Variants in CRLS1 observed in about 807,000 individuals in gnomAD.
CRLS1 encodes the protein cardiolipin synthase 1.
In CRLS1, 24 loss-of-function variants were observed where a neutral mutation model predicts 37.0. The observed-to-expected ratio is 0.65, with a 90% CI of 0.47 to 0.91. CRLS1 has a LOEUF of 0.91. CRLS1 is among the 40% of genes least tolerant of loss of function. The pLI is 0.00. For synonymous variants in CRLS1, 135 were observed against 159.7 expected (o/e 0.85, Z 1.17); for missense variants, 373 against 395.8 (o/e 0.94, Z 0.49).
At position 6,032,066 on chromosome 20, in the gene CRLS1, A is replaced by G. The variant is rs761284365; in HGVS notation, c.715A>G (p.Thr239Ala). The G allele has an allele frequency of 6.2e-7, 1 of 1,612,114 alleles. No individual in the cohort carries two copies. Among genetic ancestry groups the G allele is most frequent in the Admixed American group, 1.7e-5 (1 of 59,966 alleles). Residue 239 changes from threonine (T) to alanine (A), a missense_variant, in exon 5 of 7, where the codon ACA becomes GCA. Transcript: ENST00000378863. ...CTATGCCACTGCTAGGTTAAAACCAACATTCATCAGCAAGGTAAGAGAATG... is the reference window on the plus strand; with the variant it reads ...CTATGCCACTGCTAGGTTAAAACCAGCATTCATCAGCAAGGTAAGAGAATG... The part of the protein sequence containing the change: ...PCYATARLKP[T>A]FISKVNTAVQ...
At chr20:6,029,138 AT>A (rs11087706) in intron 3 of CRLS1, among the ~76,000 whole-genome samples, 6,817 of 147,486 alleles carry the variant, frequency 0.046, 512 homozygotes, top group African/African-American at 0.16. Context: ...GGAACCCTTG[AT>A]TTTTTTTTTT....
chr20:6,019,068 T>C (rs371202938), intron 3 of CRLS1, among the ~76,000 whole-genome samples: 1 of 152,332 alleles, frequency 6.6e-6, no homozygotes, highest in Middle Eastern at 3.4e-3. Flanking sequence ...GGACTTTTTT[T>C]TTTCTTCCAT....
At chr20:6,020,875 G>A (rs1395510254) in intron 3 of CRLS1, among the ~76,000 whole-genome samples, 5 of 148,760 alleles carry the variant, frequency 3.4e-5, no homozygotes, top group African/African-American at 7.5e-5. Context: ...CTCATGATCC[G>A]CCCTCCTCTG....
Position 6,037,258 on chromosome 20 carries a change from G to T in CRLS1, c.*100G>T. 1.4e-6 allele frequency: 1 copy of T among 690,610 alleles called. No individual in the cohort carries two copies. Among genetic ancestry groups the T allele is most frequent in the South Asian group, 3.4e-5 (1 of 29,746 alleles). 42.8% of individuals were successfully genotyped at this position (690,610 alleles called of 1,614,324 possible). ...GTTTCCCTATTTTGGTGTTCAGCTT[G>T]AAAAAGGACTTGTCAGAATCAACTG... On this transcript the variant is annotated 3_prime_UTR_variant, in exon 7 of 7. Transcript: ENST00000378863.
chr20:6,029,015 T>G (rs528929276), intron 3 of CRLS1, among the ~76,000 whole-genome samples: 4 of 152,328 alleles, frequency 2.6e-5, no homozygotes, highest in South Asian at 4.1e-4. Context: ...TGAGACCACC[T>G]GGTACAGAAA....
chr20:6,033,310 T>A (rs1160224654), intron 5 of CRLS1, among the ~76,000 whole-genome samples: 1 of 148,310 alleles, frequency 6.7e-6, no homozygotes, highest in Non-Finnish European at 1.5e-5. Context: ...TTTTTTTGTA[T>A]TTTTTAGTAG....
At chr20:6,006,628 G>C in intron 1 of CRLS1, 76 bp downstream of exon 1, 1 of 1,227,176 alleles carries the variant, frequency 8.1e-7, no homozygotes, top group Non-Finnish European at 1.0e-6. Flanking sequence ...ACAAGCTCTG[G>C]GTGGTGCAGC....
intron 3 of CRLS1, among the ~76,000 whole-genome samples, chr20:6,021,247 A>G (rs1979264069): frequency 6.6e-6 from 1 of 151,558 alleles, no homozygotes; most frequent in Admixed American, 6.6e-5. Flanking sequence ...TTGTATTTTT[A>G]GTAGAGACGG....
At chr20:6,034,126 C>T (rs568166709) in intron 5 of CRLS1, among the ~76,000 whole-genome samples, 2 of 152,272 alleles carry the variant, frequency 1.3e-5, no homozygotes, top group South Asian at 2.1e-4. Context: ...TAGTTATTTT[C>T]GTATTCCATT....
chr20:6,017,358 G>A (rs918996002), intron 3 of CRLS1, among the ~76,000 whole-genome samples: 1 of 152,102 alleles, frequency 6.6e-6, no homozygotes, highest in Non-Finnish European at 1.5e-5. Context: ...AAGCTTTTAG[G>A]ATTTTAAGAA....
At chr20:6,015,324 G>T in intron 2 of CRLS1, 37 bp from the exon 3 acceptor site, 1 of 1,396,324 alleles carries the variant, frequency 7.2e-7, no homozygotes, top group South Asian at 1.3e-5. Flanking sequence ...TTCCTGTTAT[G>T]ACATTTATAT....
chr20:6,006,154 G>A lies in CRLS1; in HGVS notation c.-93G>A, dbSNP rs1319166357. ...GAGGCAGCGGTAGCCCAGTGTCTGA[G>A]TGGTTGCCGGGTCTCCATGGAGAAG... On this transcript the variant is annotated 5_prime_UTR_variant, in exon 1 of 7. In the 5' UTR this introduces an upstream ATG that the reference lacks. Transcript: ENST00000378863. 9.6e-6 allele frequency: 6 copies of A among 623,314 alleles called. No individual in the cohort carries two copies. The East Asian group carries it at 2.3e-4, about 24-fold the overall frequency. 38.6% of individuals were successfully genotyped at this position (623,314 alleles called of 1,614,324 possible).
intron 3 of CRLS1, among the ~76,000 whole-genome samples, chr20:6,027,469 G>A (rs113705040): frequency 0.084 from 12,770 of 151,998 alleles, 767 homozygotes; most frequent in Middle Eastern, 0.2. Flanking sequence ...ATGCAGTGGC[G>A]CAGTCTTGGC....
intron 6 of CRLS1, among the ~76,000 whole-genome samples, chr20:6,035,977 G>C (rs1980518060): frequency 6.6e-6 from 1 of 151,900 alleles, no homozygotes; most frequent in African/African-American, 2.4e-5. Context: ...GCCAATTTTT[G>C]TATTTTTAGT....
Position 6,024,335 on chromosome 20 carries a change from G to A in CRLS1, c.575-6950G>A, listed in dbSNP as rs192165119. 2.9e-4 allele frequency among the ~76,000 whole-genome samples: 44 copies of A among 152,268 alleles called. No homozygotes were observed. The East Asian group carries it at 4.4e-3, about 15-fold the overall frequency. On this transcript the variant is annotated intron_variant, in intron 3 of 6. Coordinates refer to ENST00000378863, the MANE Select transcript of CRLS1 (RefSeq NM_019095.6). ...TCTGTTATGGTGATCTGTGATCAGC[G>A]AACTCTGATGTTACTGTCTAATTGC...
intron 3 of CRLS1, among the ~76,000 whole-genome samples, chr20:6,016,500 G>C (rs185038968): frequency 2.0e-5 from 3 of 151,806 alleles, no homozygotes; most frequent in Non-Finnish European, 4.4e-5. Context: ...GGCTGGTCTC[G>C]AACTTCTGGG....
chr20:6,030,245 T>C (rs778257780), intron 3 of CRLS1, among the ~76,000 whole-genome samples: 8 of 152,182 alleles, frequency 5.3e-5, no homozygotes, highest in Non-Finnish European at 1.2e-4. Context: ...GCCATCTCAT[T>C]CCCATTCAGT....
At chr20:6,015,283 G>C (rs1978650026) in intron 2 of CRLS1, 78 bp from the exon 3 acceptor site, 1 of 842,718 alleles carries the variant, frequency 1.2e-6, no homozygotes, top group Admixed American at 2.9e-5. Flanking sequence ...TGTTATTCTG[G>C]TATATCTTAA....
At position 6,006,408 on chromosome 20, in the gene CRLS1, C is replaced by A. The variant is rs1163793417; in HGVS notation, c.162C>A (p.Ala54=). 1 of 1,409,698 alleles carries A rather than the reference C, an allele frequency of 7.1e-7. No individual in the cohort carries two copies. The highest frequency in any genetic ancestry group is 1.5e-5 in the African/African-American group (1 of 67,432). 87.3% of individuals were successfully genotyped at this position (1,409,698 alleles called of 1,614,324 possible). ...CCGAACGCTGGAGGCTGCGTCCGGCCGCTCTTGGCTTGCGGCTGCCCGGGA... is the reference window on the plus strand; with the variant it reads ...CCGAACGCTGGAGGCTGCGTCCGGCAGCTCTTGGCTTGCGGCTGCCCGGGA... ...CLAERWRLRP[A]ALGLRLPGIG... The change falls in exon 1 of 7, where the codon GCC becomes GCA. Residue 54 remains alanine (A), a synonymous_variant. Coordinates refer to ENST00000378863, the MANE Select transcript of CRLS1 (RefSeq NM_019095.6).
Sources: allele counts gnomAD v4.1 joint callset (sites outside exome capture counted in the v4.1 genomes callset), GRCh38; gene constraint gnomAD v4.1.1; transcripts MANE v1.5; gene names NCBI Gene and HGNC (gene_info 2026-07-23, HGNC 2026-07-21).